Variants in TBC1D14 observed in about 807,000 individuals in gnomAD.
TBC1D14 encodes the protein TBC1 domain family member 14.
TBC1D14 carries 26 observed loss-of-function variants against 79.0 expected under a neutral mutation model. The observed-to-expected ratio is 0.33, with a 90% CI of 0.24 to 0.46. TBC1D14 has a LOEUF of 0.46. Ranked by LOEUF, TBC1D14 falls within the 20% of genes least tolerant of loss-of-function variation. The pLI, the probability that TBC1D14 is intolerant of heterozygous loss-of-function variation, is 1.00. For missense variants in TBC1D14, 769 were observed against 887.6 expected (o/e 0.87, Z 1.70); for synonymous variants, 394 against 349.9 (o/e 1.13, Z -1.40).
At chr4:6,983,286 A>G (rs1577119812) in intron 3 of TBC1D14, among the ~76,000 whole-genome samples, 1 of 152,018 alleles carries the variant, frequency 6.6e-6, no homozygotes, top group African/African-American at 2.4e-5. Flanking sequence ...AAATATATAT[A>G]TATATTTTTA....
At chr4:6,915,494 C>T (rs1723326783) in intron 1 of TBC1D14, among the ~76,000 whole-genome samples, 1 of 152,158 alleles carries the variant, frequency 6.6e-6, no homozygotes, top group African/African-American at 2.4e-5. Flanking sequence ...GCAAAGCTTA[C>T]TGAGGGGCCT....
intron 2 of TBC1D14, among the ~76,000 whole-genome samples, chr4:6,966,383 T>C (rs1715700685): frequency 6.6e-6 from 1 of 152,218 alleles, no homozygotes; most frequent in African/African-American, 2.4e-5. Context: ...TTTGTGTTAT[T>C]TGGAACTTTT....
intron 3 of TBC1D14, among the ~76,000 whole-genome samples, chr4:6,976,977 A>G (rs1716765364): frequency 6.7e-6 from 1 of 150,298 alleles, no homozygotes; most frequent in Non-Finnish European, 1.5e-5. Context: ...TTTTAAATAA[A>G]TAGTTGAGTT....
chr4:6,960,544 C>T (rs538401116), intron 2 of TBC1D14, among the ~76,000 whole-genome samples: 4 of 152,090 alleles, frequency 2.6e-5, no homozygotes, highest in South Asian at 2.1e-4. Context: ...TTGCTTTTTT[C>T]CCTTCAAAAA....
intron 2 of TBC1D14, among the ~76,000 whole-genome samples, chr4:6,936,021 A>T (rs1041099859): frequency 6.6e-6 from 1 of 152,250 alleles, no homozygotes; most frequent in Admixed American, 6.5e-5. Flanking sequence ...GTAGGTTTAC[A>T]GCAAAATTAA....
In TBC1D14 at chr4:6,924,029, T is replaced by C; in HGVS notation, c.640T>C (p.Leu214=). 6.2e-7 allele frequency: 1 copy of C among 1,614,122 alleles called. No homozygotes were observed. The highest frequency in any genetic ancestry group is 8.5e-7 in the Non-Finnish European group (1 of 1,180,028). ...TLSSIKETRG[L]HQQDCVHEAE... ...GAGCTCTATCAAGGAAACCCGTGGC[T>C]TACACCAGCAGGACTGTGTTCATGA... Residue 214 remains leucine (L), a synonymous_variant, in exon 2 of 14, where the codon TTA becomes CTA. Transcript: ENST00000409757.
At chr4:7,029,115 C>T (rs533444428) in intron 13 of TBC1D14, among the ~76,000 whole-genome samples, 1 of 152,258 alleles carries the variant, frequency 6.6e-6, no homozygotes, top group East Asian at 1.9e-4. Flanking sequence ...GCTGGGATTG[C>T]AGGCATGAGC....
intron 11 of TBC1D14, 76 bp from the exon 12 acceptor site, chr4:7,014,372 A>G: frequency 1.1e-6 from 1 of 882,058 alleles, no homozygotes. Context: ...GTCTAAAGAT[A>G]TACATATATT....
chr4:6,987,636 G>C (rs886918457), intron 3 of TBC1D14: 6 of 371,142 alleles, frequency 1.6e-5, no homozygotes, highest in African/African-American at 1.0e-4. Flanking sequence ...GAGACAGCGT[G>C]AGCGAGCACG....
intron 3 of TBC1D14, chr4:6,987,157 G>C (rs1717927326): frequency 7.5e-6 from 9 of 1,193,164 alleles, no homozygotes; most frequent in Non-Finnish European, 9.3e-6. Context: ...GACGCGCCGA[G>C]CCGGCAGCGC....
intron 7 of TBC1D14, among the ~76,000 whole-genome samples, chr4:7,001,888 T>G (rs1719712003): frequency 6.6e-6 from 1 of 152,204 alleles, no homozygotes; most frequent in Non-Finnish European, 1.5e-5. Context: ...TGATTAATAC[T>G]GGCAGCCATT....
At chr4:6,937,310 A>G (rs9999127) in intron 2 of TBC1D14, among the ~76,000 whole-genome samples, 65,328 of 152,038 alleles carry the variant, frequency 0.43, 15,296 homozygotes, top group East Asian at 0.66. Context: ...GAGGCGTAAG[A>G]TCAAGGTGCC....
rs906865659 is a variant in TBC1D14, at chr4:7,005,539, A to G, written c.1351+615A>G. Among the ~76,000 whole-genome samples the G allele has an allele frequency of 3.9e-5, 6 of 152,048 alleles. No individual in the cohort carries two copies. The East Asian group carries it at 1.2e-3, about 29-fold the overall frequency. On this transcript the variant is annotated intron_variant, in intron 8 of 13. Coordinates refer to ENST00000409757, the MANE Select transcript of TBC1D14 (RefSeq NM_020773.3). ...AACAGAGTGAGACTCTGTCTCAAGA[A>G]AAAACAAAAATTAGCTAGGCGTGGT...
upstream of TBC1D14, chr4:6,909,768 G>A (rs1396087487): frequency 1.4e-5 from 2 of 147,348 alleles, no homozygotes; most frequent in East Asian, 3.9e-4. Context: ...GGGGGCGGGC[G>A]AGGGGGCGGG....
chr4:7,004,436 T>A (rs1719981936), intron 7 of TBC1D14, among the ~76,000 whole-genome samples: 1 of 152,180 alleles, frequency 6.6e-6, no homozygotes, highest in African/African-American at 2.4e-5. Flanking sequence ...CCTCCCTCGG[T>A]CATTGAGACA....
chr4:7,027,231 G>A (rs1024406064), intron 13 of TBC1D14, among the ~76,000 whole-genome samples: 5 of 151,538 alleles, frequency 3.3e-5, no homozygotes, highest in African/African-American at 1.2e-4. Flanking sequence ...CAAAAAAGCA[G>A]GTCATTTGTC....
chr4:7,006,328 A>C (rs1051523406), intron 8 of TBC1D14, among the ~76,000 whole-genome samples: 3 of 152,076 alleles, frequency 2.0e-5, no homozygotes, highest in Non-Finnish European at 4.4e-5. Flanking sequence ...TTATTCTCCT[A>C]CTTGTCCTTG....
At chr4:7,007,530 A>G in intron 9 of TBC1D14, 2 of 1,289,094 alleles carry the variant, frequency 1.6e-6, no homozygotes, top group Non-Finnish European at 2.0e-6. Flanking sequence ...TCAGGTTCTC[A>G]TCTTTGTGGA....
rs187945588 is a variant in TBC1D14, at chr4:7,027,593, G to A, written c.2016+2331G>A. The stretch of plus-strand genomic sequence containing the variant: ...ACACGCACATCACACACCCACCCAC[G>A]CATACAATTACCCTACACAGTCACA... On this transcript the variant is annotated intron_variant, in intron 13 of 13. Coordinates refer to ENST00000409757, the MANE Select transcript of TBC1D14 (RefSeq NM_020773.3). Among the ~76,000 whole-genome samples the A allele has an allele frequency of 3.2e-3, 403 of 124,776 alleles. 1 individual carries two copies. Among genetic ancestry groups the A allele is most frequent in the African/African-American group, 0.011 (363 of 32,020 alleles). 81.9% of individuals were successfully genotyped at this position (124,776 alleles called of 152,430 possible).
Sources: allele counts gnomAD v4.1 joint callset (sites outside exome capture counted in the v4.1 genomes callset), GRCh38; gene constraint gnomAD v4.1.1; transcripts MANE v1.5; gene names NCBI Gene and HGNC (gene_info 2026-07-23, HGNC 2026-07-21).